ASPM: variants seen among roughly 807,000 people sequenced by gnomAD.
The protein encoded by ASPM is assembly factor for spindle microtubules.
Under a neutral mutation model 366.4 loss-of-function variants are expected in ASPM, and 256 were observed. That is an observed-to-expected ratio of 0.70 (90% CI 0.63 to 0.77). The LOEUF is 0.77. Ranked by LOEUF, ASPM falls within the 30% of genes least tolerant of loss-of-function variation. ASPM has a pLI of 0.00. For synonymous variants in ASPM, 1,414 were observed against 1,342.9 expected, an observed-to-expected ratio of 1.05 and a Z score of -1.16; for missense variants, 4,146 against 4,090.4, an observed-to-expected ratio of 1.01 and a Z score of -0.37.
At chr1:197,092,920 A>G (rs1007218566) in intron 21 of ASPM, 132 bp downstream of exon 21, 2 of 810,006 alleles carry the variant, frequency 2.5e-6, no homozygotes, top group African/African-American at 3.5e-5. Flanking sequence ...CCTTTCTAGC[A>G]GCTGAATTAA....
chr1:197,129,449 A>G, intron 8 of ASPM, 132 bp from the exon 9 acceptor site: 2 of 980,722 alleles, frequency 2.0e-6, no homozygotes, highest in Non-Finnish European at 3.0e-6. Flanking sequence ...ATAAAACACT[A>G]TGTGCCTTTT....
intron 19 of ASPM, among the ~76,000 whole-genome samples, chr1:197,095,593 A>G (rs1306685050): frequency 6.6e-6 from 1 of 151,746 alleles, no homozygotes; most frequent in Non-Finnish European, 1.5e-5. Flanking sequence ...GAATAATACA[A>G]AGTTCAAAGA....
chr1:197,126,427 G>A lies in ASPM; in HGVS notation c.2937-1236C>T, dbSNP rs1571617736. ...TGCACGCCAGCCTGGGTGACAGAGT[G>A]AGACTCTGTCTCAAAAAAAAAAAAA... On this transcript the variant is annotated intron_variant, in intron 10 of 27. Coordinates refer to ENST00000367409, the MANE Select transcript of ASPM (RefSeq NM_018136.5). Among the ~76,000 whole-genome samples, 8 of 112,632 alleles carry A rather than the reference G, an allele frequency of 7.1e-5. No homozygotes were observed. The South Asian group carries it at 2.9e-3, about 41-fold the overall frequency. 73.9% of individuals were successfully genotyped at this position (112,632 alleles called of 152,430 possible).
chr1:197,146,420 C>A lies in ASPM; in HGVS notation c.18G>T (p.Val6=). The change falls in exon 1 of 28, where the codon GTG becomes GTT. Residue 6 remains valine (V), a synonymous_variant. Transcript: ENST00000367409. ...GGCTCACTTCCCAGCAGCCTCGCCCCACTCGCCGGTTCGCCATGGCAGATT... is the reference window on the plus strand; with the variant it reads ...GGCTCACTTCCCAGCAGCCTCGCCCAACTCGCCGGTTCGCCATGGCAGATT... The part of the protein sequence containing the change: MANRR[V]GRGCWEVSPT... The A allele has an allele frequency of 1.2e-6, 2 of 1,608,844 alleles. No homozygotes were observed. Among genetic ancestry groups the A allele is most frequent in the Non-Finnish European group, 1.7e-6 (2 of 1,179,526 alleles).
chr1:197,089,540 T>A (rs1248182283), intron 25 of ASPM, among the ~76,000 whole-genome samples: 1 of 151,984 alleles, frequency 6.6e-6, no homozygotes, highest in African/African-American at 2.4e-5. Context: ...CTCAGGTTCT[T>A]ACAGGAGGAA....
Position 197,106,433 on chromosome 1 carries a change from C to T in ASPM, c.4066-1248G>A, listed in dbSNP as rs140381699. On this transcript the variant is annotated intron_variant, in intron 17 of 27. Coordinates refer to ENST00000367409, the MANE Select transcript of ASPM (RefSeq NM_018136.5). ...AGGGCAAAGTAAAGCAGTAATAGTA[C>T]TCAGAAATTCAGATATTATTTTTCT... is the stretch of plus-strand genomic sequence containing the variant. 1.3e-3 allele frequency among the ~76,000 whole-genome samples: 205 copies of T among 152,132 alleles called. 1 individual carries two copies. Among genetic ancestry groups the T allele is most frequent in the Non-Finnish European group, 2.3e-3 (153 of 67,968 alleles).
chr1:197,090,769 C>T, intron 23 of ASPM, 81 bp downstream of exon 23: 1 of 1,326,026 alleles, frequency 7.5e-7, no homozygotes, highest in South Asian at 1.2e-5. Flanking sequence ...AAAATGGTAA[C>T]TATGTTTTTA....
At chr1:197,098,726 T>C (rs1558326978) in intron 18 of ASPM, among the ~76,000 whole-genome samples, 1 of 151,758 alleles carries the variant, frequency 6.6e-6, no homozygotes, top group Non-Finnish European at 1.5e-5. Flanking sequence ...AATTTTGATG[T>C]TCTTCAGGGC....
Position 197,100,846 on chromosome 1 carries a change from C to T in ASPM, c.8405G>A (p.Gly2802Asp). Residue 2802 changes from glycine to aspartate, a missense_variant, in exon 18 of 28, where the codon GGC becomes GAC. Physicochemically the swap from Gly to Asp is moderately conservative, Grantham distance 94. Transcript: ENST00000367409. ...CTCTGCTTCCTGTGAACAAGCAAGG[C>T]CAGAAGCTTTATACCACTCTTGAAT... ...VMIQEWYKAS[G>D]LACSQEAEYH... 2 of 1,612,580 alleles carry T rather than the reference C, an allele frequency of 1.2e-6. No individual in the cohort carries two copies. The highest frequency in any genetic ancestry group is 1.1e-5 in the South Asian group (1 of 91,056).
In ASPM at chr1:197,094,183, A is replaced by G; in HGVS notation, c.8988-3T>C. 1 of 1,583,264 alleles carries G rather than the reference A, an allele frequency of 6.3e-7. No homozygotes were observed. The highest frequency in any genetic ancestry group is 8.7e-7 in the Non-Finnish European group (1 of 1,155,150). On this transcript the variant is annotated splice_polypyrimidine_tract_variant and splice_region_variant and intron_variant, in intron 19 of 27. Transcript: ENST00000367409. ...CTGATGCTCTCACATTCAAAAACCT[A>G]AAAAGTAGTTATTGGAAAGCAATGT... is the stretch of plus-strand genomic sequence containing the variant.
intron 1 of ASPM, among the ~76,000 whole-genome samples, chr1:197,145,590 A>G (rs891020022): frequency 7.2e-5 from 11 of 152,256 alleles, no homozygotes; most frequent in Middle Eastern, 6.8e-3. Flanking sequence ...GCATATTAAG[A>G]TGGCTGATAG....
Position 197,104,081 on chromosome 1 carries a change from CT to C in ASPM, c.5169del (p.Glu1724SerfsTer25). 1 of 1,612,992 alleles carries C rather than the reference CT, an allele frequency of 6.2e-7. No individual in the cohort carries two copies. Reference sequence around the variant, plus strand: ...CAAGATTCCCGCATCTGCATATACTCTTCTCTCTTTTGTGCAGCTATTTTTT... The same window carrying C: ...CAAGATTCCCGCATCTGCATATACTCTCTCTCTTTTGTGCAGCTATTTTTT... ...RSKKIAAQKREEYMQMRESCI... is the reference protein window; with the variant it reads ...RSKKIAAQKRXEYMQMRESCI... On this transcript the variant is annotated frameshift_variant, in exon 18 of 28. Coordinates refer to ENST00000367409, the MANE Select transcript of ASPM (RefSeq NM_018136.5). LOFTEE classifies it high-confidence loss of function.
At position 197,102,022 on chromosome 1, in the gene ASPM, G is replaced by A. The variant is rs757168592; in HGVS notation, c.7229C>T (p.Ser2410Phe). 6 of 1,612,842 alleles carry A rather than the reference G, an allele frequency of 3.7e-6. No homozygotes were observed. In the South Asian group the frequency reaches 5.5e-5, roughly 15 times the overall value. ...AAACCTACTCTGAATAAGGGTTGCA[G>A]AGGAATGCATACTCTTCAAATGTCT... Reference protein sequence around the residue: ...TRRHLKSMHSSATLIQSRFRS... With the variant: ...TRRHLKSMHSFATLIQSRFRS... Residue 2410 changes from serine (S) to phenylalanine (F), a missense_variant, in exon 18 of 28, where the codon TCT (serine) becomes TTT (phenylalanine). Around this residue, in one of 3 missense-constraint regions of ASPM, gnomAD observed 3,624 missense variants for 3,591.7 expected, o/e 1.01. Coordinates refer to ENST00000367409, the MANE Select transcript of ASPM (RefSeq NM_018136.5).
Position 197,146,347 on chromosome 1 carries a change from C to T in ASPM, c.91G>A (p.Glu31Lys), listed in dbSNP as rs755598147. The change falls in exon 1 of 28, where the codon GAG becomes AAG. Residue 31 changes from glutamate to lysine, a missense_variant. By Grantham distance (56) the Glu-to-Lys change is moderately conservative. Transcript: ENST00000367409. The part of the protein sequence containing the change: ...PAGLRGPAAE[E>K]EASSPPVLSL... ...AGGACCGGCGGGGAAGACGCCTCCTCCTCGGCCGCGGGGCCCCGCAGCCCC... is the reference window on the plus strand; with the variant it reads ...AGGACCGGCGGGGAAGACGCCTCCTTCTCGGCCGCGGGGCCCCGCAGCCCC... The T allele has an allele frequency of 1.4e-5, 22 of 1,611,784 alleles. No individual in the cohort carries two copies. Among genetic ancestry groups the T allele is most frequent in the African/African-American group, 1.3e-5 (1 of 74,890 alleles).
Position 197,143,435 on chromosome 1 carries a change from CATT to C in ASPM, c.814_816del (p.Asn272del). ...AAGGAAGTTTCAGTTACAGCTTTCT[CATT>C]AAAAGAAACTTTTGAAACGTTGGCA... On this transcript the variant is annotated inframe_deletion, in exon 3 of 28. Coordinates refer to ENST00000367409, the MANE Select transcript of ASPM (RefSeq NM_018136.5). 6.2e-7 allele frequency: 1 copy of C among 1,614,014 alleles called. No individual in the cohort carries two copies. Among genetic ancestry groups the C allele is most frequent in the Admixed American group, 1.7e-5 (1 of 60,022 alleles).
intron 6 of ASPM, 112 bp from the exon 7 acceptor site, chr1:197,132,464 TAA>T: frequency 1.2e-6 from 1 of 801,852 alleles, no homozygotes; most frequent in African/African-American, 1.8e-5. Context: ...TTATATGAAA[TAA>T]GTTAATTTAA....
chr1:197,086,429 G>A (rs1656590072), intron 27 of ASPM, among the ~76,000 whole-genome samples: 1 of 152,170 alleles, frequency 6.6e-6, no homozygotes, highest in Admixed American at 6.5e-5. Flanking sequence ...GGGTGATTAT[G>A]GGAGGACTGG....
intron 17 of ASPM, among the ~76,000 whole-genome samples, chr1:197,113,068 G>A (rs1657635855): frequency 6.6e-6 from 1 of 152,116 alleles, no homozygotes; most frequent in African/African-American, 2.4e-5. Context: ...TTGCAGTAAT[G>A]TGCATTTAGC....
In ASPM at chr1:197,142,518, A is replaced by G. The variant is rs1471427520; in HGVS notation, c.1734T>C (p.Asp578=). ...TASVARKRKS[D]GSMEDANVRV... ...TCACATTTGCATCTTCCATGCTTCC[A>G]TCGCTCTTTCTTTTCCGAGCAACTG... The change falls in exon 3 of 28, where the codon GAT becomes GAC. Residue 578 remains aspartate (D), a synonymous_variant. Coordinates refer to ENST00000367409, the MANE Select transcript of ASPM (RefSeq NM_018136.5). 1 of 1,614,016 alleles carries G rather than the reference A, an allele frequency of 6.2e-7. No individual in the cohort carries two copies. The highest frequency in any genetic ancestry group is 1.3e-5 in the African/African-American group (1 of 75,060).
Sources: allele counts gnomAD v4.1 joint callset (sites outside exome capture counted in the v4.1 genomes callset), GRCh38; gene constraint gnomAD v4.1.1; regional missense constraint gnomAD v4.1.1; transcripts MANE v1.5; gene names NCBI Gene and HGNC (gene_info 2026-07-23, HGNC 2026-07-21).